The following EYS variants were observed in gnomAD, a reference collection of about 807,000 sequenced individuals.
EYS encodes the protein EGF-like photoreceptor maintenance factor.
EYS carries 250 observed loss-of-function variants against 282.1 expected under a neutral mutation model. The ratio of observed to expected loss-of-function variants is 0.89; its 90% CI spans 0.80 to 0.98. EYS has a LOEUF of 0.98. Among genes scored for constraint, EYS ranks in the 50% least tolerant of loss-of-function variants. The pLI is 0.00. For missense variants in EYS, 4,016 were observed against 3,709.0 expected (o/e 1.08, Z -2.15); for synonymous variants, 1,355 against 1,282.9 (o/e 1.06, Z -1.20).
chr6:64,406,196 A>C (rs1385365327), intron 28 of EYS, among the ~76,000 whole-genome samples: 1 of 152,220 alleles, frequency 6.6e-6, no homozygotes, highest in African/African-American at 2.4e-5. Context: ...AACCTGACAA[A>C]AACAAGCAAT....
rs563455301 is a variant in EYS at position 64,747,282 on chromosome 6, T to C, written c.3443+66096A>G. Among the ~76,000 whole-genome samples the C allele has an allele frequency of 2.6e-5, 4 of 152,342 alleles. No homozygotes were observed. The East Asian group carries it at 5.8e-4, about 22-fold the overall frequency. ...GTCATTCCATTAGTCCAATGCTTAT[T>C]TGAAATCTTTTCTCTTCTCTGCATT... is the stretch of plus-strand genomic sequence containing the variant. On this transcript the variant is annotated intron_variant, in intron 22 of 42. Transcript: ENST00000503581.
At chr6:65,016,722 G>A (rs1031035990) in intron 13 of EYS, among the ~76,000 whole-genome samples, 4 of 152,116 alleles carry the variant, frequency 2.6e-5, no homozygotes, top group African/African-American at 9.7e-5. Flanking sequence ...TGTTTCTGCA[G>A]TAATATCAAA....
At chr6:64,239,453 G>C (rs1234114953) in intron 30 of EYS, among the ~76,000 whole-genome samples, 3 of 152,120 alleles carry the variant, frequency 2.0e-5, no homozygotes, top group Admixed American at 6.5e-5. Flanking sequence ...ATTCTAACTG[G>C]AGTGAGATGG....
At chr6:64,532,205 A>G (rs1764364640) in intron 26 of EYS, among the ~76,000 whole-genome samples, 1 of 152,218 alleles carries the variant, frequency 6.6e-6, no homozygotes. Flanking sequence ...GAGTTTGGAA[A>G]GTTGACAGCT....
chr6:64,847,857 A>T (rs1182811108), intron 19 of EYS, among the ~76,000 whole-genome samples: 1 of 152,080 alleles, frequency 6.6e-6, no homozygotes, highest in East Asian at 1.9e-4. Context: ...CAATTTGTAG[A>T]GTGGAACCCT....
intron 1 of EYS, among the ~76,000 whole-genome samples, chr6:65,644,605 C>A (rs750550270): frequency 2.0e-5 from 3 of 152,164 alleles, no homozygotes; most frequent in Non-Finnish European, 4.4e-5. Context: ...TGCCTAGGCA[C>A]ATAGTCATTA....
At chr6:64,524,557 A>C (rs980895829) in intron 26 of EYS, among the ~76,000 whole-genome samples, 2 of 151,770 alleles carry the variant, frequency 1.3e-5, no homozygotes, top group Non-Finnish European at 2.9e-5. Flanking sequence ...GTCTGTTCCT[A>C]TGTCCAGAAT....
intron 36 of EYS, among the ~76,000 whole-genome samples, chr6:63,828,127 A>G (rs1343038363): frequency 6.6e-6 from 1 of 152,300 alleles, no homozygotes; most frequent in East Asian, 1.9e-4. Flanking sequence ...AAACACCTAC[A>G]TCAAAAAGTC....
intron 22 of EYS, among the ~76,000 whole-genome samples, chr6:64,642,986 A>G (rs765157537): frequency 6.6e-6 from 1 of 152,144 alleles, no homozygotes; most frequent in Non-Finnish European, 1.5e-5. Flanking sequence ...GTGGTGGCAC[A>G]TGCCTCTAAT....
At chr6:64,945,988 G>T in intron 14 of EYS, 74 bp from the exon 15 acceptor site, 2 of 1,158,590 alleles carry the variant, frequency 1.7e-6, no homozygotes, top group Admixed American at 3.2e-5. Context: ...ATTACTCCTG[G>T]CCATTTTGAT....
At chr6:64,718,476 C>T (rs570594687) in intron 22 of EYS, among the ~76,000 whole-genome samples, 1 of 152,164 alleles carries the variant, frequency 6.6e-6, no homozygotes, top group Admixed American at 6.5e-5. Context: ...TTATCAATTC[C>T]TTAATGTATA....
rs913910892 is a variant in EYS, at chr6:63,788,152, G to T, written c.7676C>A (p.Thr2559Asn). 1.9e-6 allele frequency: 3 copies of T among 1,549,158 alleles called. No homozygotes were observed. The South Asian group carries it at 3.6e-5, about 19-fold the overall frequency. Residue 2559 changes from threonine (T) to asparagine (N), a missense_variant, in exon 39 of 43, where the codon ACT (threonine) becomes AAT (asparagine). Physicochemically the swap from Thr to Asn is moderately conservative, Grantham distance 65 (BLOSUM62 0). Coordinates refer to ENST00000503581, the MANE Select transcript of EYS (RefSeq NM_001142800.2). ...TGCTCCATTTGGTAAGAGATCTGGA[G>T]TGTATTCACTGTAGCCACCTACATA... is the stretch of plus-strand genomic sequence containing the variant. ...QFYVGGYSEY[T>N]PDLLPNGADF...
intron 26 of EYS, among the ~76,000 whole-genome samples, chr6:64,472,466 T>G (rs1776149244): frequency 6.6e-6 from 1 of 152,178 alleles, no homozygotes; most frequent in African/African-American, 2.4e-5. Context: ...TAAAACCAAC[T>G]GTTTCCCCCT....
At chr6:64,689,571 A>C (rs1583043796) in intron 22 of EYS, among the ~76,000 whole-genome samples, 1 of 152,320 alleles carries the variant, frequency 6.6e-6, no homozygotes, top group African/African-American at 2.4e-5. Context: ...ACCTGACTTC[A>C]CACTATACTA....
rs1003846828 is a variant in EYS at position 65,439,767 on chromosome 6, A to C, written c.863-34400T>G. ...ATTTGCTCTTATGTGTGTCCTCACA[A>C]TTTCAACCCCAATCATGCCCAGTTC... On this transcript the variant is annotated intron_variant, in intron 5 of 42. Transcript: ENST00000503581. 2.6e-5 allele frequency among the ~76,000 whole-genome samples: 4 copies of C among 152,116 alleles called. No individual in the cohort carries two copies. In the Middle Eastern group the frequency reaches 0.014, roughly 517 times the overall value.
intron 34 of EYS, among the ~76,000 whole-genome samples, chr6:63,992,178 A>G (rs1333566342): frequency 1.3e-5 from 2 of 151,866 alleles, no homozygotes; most frequent in East Asian, 3.9e-4. Context: ...AATGGTAGGT[A>G]TGTATACAAA....
At chr6:64,825,486 A>C (rs910930107) in intron 19 of EYS, among the ~76,000 whole-genome samples, 2 of 151,804 alleles carry the variant, frequency 1.3e-5, no homozygotes, top group African/African-American at 2.4e-5. Flanking sequence ...GTGTGGGTTT[A>C]TGTGTGCATG....
intron 22 of EYS, among the ~76,000 whole-genome samples, chr6:64,665,239 T>G (rs9452313): frequency 0.19 from 29,663 of 152,224 alleles, 3,422 homozygotes; most frequent in East Asian, 0.34. Context: ...TTAAATAACA[T>G]AGTAAAATAA....
chr6:65,664,294 C>G (rs918692801), intron 1 of EYS, among the ~76,000 whole-genome samples: 4 of 152,180 alleles, frequency 2.6e-5, no homozygotes, highest in African/African-American at 9.6e-5. Flanking sequence ...ACACCATGCA[C>G]ACAGAAGAAA....
Sources: gnomAD v4.1 joint callset for allele counts (sites outside exome capture counted in the v4.1 genomes callset) on GRCh38, gnomAD v4.1.1 for gene constraint, MANE v1.5 for transcripts, NCBI Gene and HGNC (gene_info 2026-07-23, HGNC 2026-07-21) for gene names.